EYS: variants seen among roughly 807,000 people sequenced by gnomAD.
EYS encodes the protein protein eyes shut homolog.
EYS carries 250 observed loss-of-function variants against 282.1 expected under a neutral mutation model. The observed-to-expected ratio is 0.89, with a 90% CI of 0.80 to 0.98. The LOEUF is 0.98. EYS is among the 50% of genes least tolerant of loss of function. EYS has a pLI of 0.00. For synonymous variants in EYS, 1,355 were observed against 1,282.9 expected, an observed-to-expected ratio of 1.06 and a Z score of -1.20; for missense variants, 4,016 against 3,709.0, an observed-to-expected ratio of 1.08 and a Z score of -2.15.
At chr6:64,618,557 T>C (rs1237986662) in intron 23 of EYS, among the ~76,000 whole-genome samples, 1 of 152,212 alleles carries the variant, frequency 6.6e-6, no homozygotes, top group Non-Finnish European at 1.5e-5. Context: ...CTTAGGAAGA[T>C]ATTCTGATTG....
At chr6:64,438,757 C>T (rs557444921) in intron 27 of EYS, among the ~76,000 whole-genome samples, 4 of 151,404 alleles carry the variant, frequency 2.6e-5, no homozygotes, top group Admixed American at 1.3e-4. Flanking sequence ...AATTTTTCTC[C>T]GTATAGTATA....
chr6:64,663,347 T>C (rs1195672165), intron 22 of EYS, among the ~76,000 whole-genome samples: 2 of 144,954 alleles, frequency 1.4e-5, no homozygotes, highest in African/African-American at 5.2e-5. Flanking sequence ...ACCACTTCAT[T>C]TGGTAACACC....
chr6:63,967,388 T>C (rs765029162), intron 35 of EYS, among the ~76,000 whole-genome samples: 15 of 152,234 alleles, frequency 9.9e-5, no homozygotes, highest in Admixed American at 6.5e-5. Context: ...GACTACTGTG[T>C]AGAAGTAGCC....
chr6:64,720,225 T>C (rs1490553122), intron 22 of EYS, among the ~76,000 whole-genome samples: 1 of 152,172 alleles, frequency 6.6e-6, no homozygotes, highest in Non-Finnish European at 1.5e-5. Flanking sequence ...AAGCCAGCAG[T>C]GCAGCATCTT....
intron 10 of EYS, among the ~76,000 whole-genome samples, chr6:65,342,354 C>A (rs1293383008): frequency 6.6e-6 from 1 of 150,860 alleles, no homozygotes; most frequent in Non-Finnish European, 1.5e-5. Context: ...AGGGTTGAAT[C>A]TTGTGAATTC....
chr6:63,777,393 A>G (rs1163870827), intron 40 of EYS, among the ~76,000 whole-genome samples: 1 of 152,196 alleles, frequency 6.6e-6, no homozygotes, highest in African/African-American at 2.4e-5. Context: ...TGTCTTATAC[A>G]TGTATGAGAC....
chr6:64,654,828 C>T (rs999045489), intron 22 of EYS, among the ~76,000 whole-genome samples: 14 of 152,198 alleles, frequency 9.2e-5, no homozygotes, highest in African/African-American at 3.1e-4. Flanking sequence ...ACATTATTAA[C>T]AAGCTATGAA....
chr6:65,346,846 T>C (rs1270124267), intron 9 of EYS, among the ~76,000 whole-genome samples: 1 of 151,830 alleles, frequency 6.6e-6, no homozygotes, highest in African/African-American at 2.4e-5. Flanking sequence ...ACACAAATTA[T>C]ATATAAAGAA....
intron 2 of EYS, among the ~76,000 whole-genome samples, chr6:65,632,290 G>T (rs1766944528): frequency 6.6e-6 from 1 of 152,126 alleles, no homozygotes; most frequent in African/African-American, 2.4e-5. Flanking sequence ...TTCATCAGTA[G>T]ACAGATGAAT....
intron 30 of EYS, among the ~76,000 whole-genome samples, chr6:64,296,946 A>C (rs904234145): frequency 1.3e-5 from 2 of 152,158 alleles, no homozygotes; most frequent in Non-Finnish European, 2.9e-5. Flanking sequence ...AGTGAAGTCT[A>C]TTGAAGGTTT....
chr6:65,199,314 A>T (rs1312055187), intron 12 of EYS, among the ~76,000 whole-genome samples: 1 of 152,122 alleles, frequency 6.6e-6, no homozygotes, highest in Non-Finnish European at 1.5e-5. Flanking sequence ...AAAACTTCAA[A>T]ACAGGAGGTG....
chr6:64,010,562 T>C (rs1768571569), intron 33 of EYS, among the ~76,000 whole-genome samples: 1 of 152,240 alleles, frequency 6.6e-6, no homozygotes, highest in South Asian at 2.1e-4. Context: ...ATGATTCCTG[T>C]TCCATTGTTG....
At chr6:64,668,572 CAG>C (rs1209186345) in intron 22 of EYS, among the ~76,000 whole-genome samples, 5 of 107,324 alleles carry the variant, frequency 4.7e-5, no homozygotes, top group African/African-American at 1.1e-4. Context: ...TTTTTCGGGA[CAG>C]AGTCTCGCTC....
At chr6:64,703,404 C>CATATAT (rs1583059398) in intron 22 of EYS, among the ~76,000 whole-genome samples, 2 of 32,784 alleles carry the variant, frequency 6.1e-5, no homozygotes, top group Non-Finnish European at 1.5e-4. Flanking sequence ...CACACACACA[C>CATATAT]ACACACATAT....
At chr6:64,363,572 CTGTGATAAGTTAAG>C (rs1772091235) in intron 29 of EYS, among the ~76,000 whole-genome samples, 1 of 76,438 alleles carries the variant, frequency 1.3e-5, no homozygotes, top group African/African-American at 6.1e-5. Flanking sequence ...CCGCTTAGAG[CTGTGATAAGTTAAG>C]TTACTTGTTT....
chr6:65,382,639 T>G (rs1193086040), intron 8 of EYS, among the ~76,000 whole-genome samples: 1 of 151,952 alleles, frequency 6.6e-6, no homozygotes, highest in Non-Finnish European at 1.5e-5. Context: ...CACAGTAGGC[T>G]GTCTGCAAGC....
chr6:64,590,078 G>A (rs1369272008), intron 26 of EYS, 145 bp downstream of exon 26: 14 of 651,682 alleles, frequency 2.1e-5, no homozygotes, highest in Non-Finnish European at 3.4e-5. Flanking sequence ...AGGTACAACA[G>A]CAGGTGCCTT....
intron 1 of EYS, among the ~76,000 whole-genome samples, chr6:65,687,933 G>A (rs1003049315): frequency 2.0e-5 from 3 of 152,026 alleles, no homozygotes; most frequent in Non-Finnish European, 2.9e-5. Context: ...AAATAAAAGA[G>A]GATACAAACA....
At chr6:64,303,871 T>C (rs1191194429) in intron 30 of EYS, among the ~76,000 whole-genome samples, 3 of 143,848 alleles carry the variant, frequency 2.1e-5, no homozygotes, top group Admixed American at 6.9e-5. Context: ...AGCCTCAGGG[T>C]AGGGTTACGG....
Sources: gnomAD v4.1 joint callset for allele counts (sites outside exome capture counted in the v4.1 genomes callset) on GRCh38, gnomAD v4.1.1 for gene constraint, MANE v1.5 for transcripts, NCBI Gene and HGNC (gene_info 2026-07-23, HGNC 2026-07-21) for gene names.